Variants in CEMIP observed in about 807,000 individuals in gnomAD.
The protein encoded by CEMIP is cell migration inducing hyaluronidase 1.
In CEMIP, 105 loss-of-function variants were observed where a neutral mutation model predicts 156.9. That is an observed-to-expected ratio of 0.67 (90% CI 0.57 to 0.79). The LOEUF is 0.79. CEMIP is among the 30% of genes least tolerant of loss of function. The pLI, the probability that CEMIP is intolerant of heterozygous loss-of-function variation, is 0.00. For synonymous variants in CEMIP, 676 were observed against 668.4 expected, an observed-to-expected ratio of 1.01 and a Z score of -0.17; for missense variants, 1,457 against 1,769.4, an observed-to-expected ratio of 0.82 and a Z score of 3.17.
At chr15:80,806,540 C>T (rs1896518760) in intron 1 of CEMIP, among the ~76,000 whole-genome samples, 1 of 152,142 alleles carries the variant, frequency 6.6e-6, no homozygotes. Context: ...TCCATTTGAT[C>T]ATTTATTCAC....
rs1041112622 is a variant in CEMIP at position 80,890,653 on chromosome 15, A to C, written c.1086+1061A>C. Among the ~76,000 whole-genome samples, 8 of 151,536 alleles carry C rather than the reference A, an allele frequency of 5.3e-5. No homozygotes were observed. In the East Asian group the frequency reaches 1.2e-3, roughly 22 times the overall value. ...ATCTCCACCCATTTTATCCTCCTTC[A>C]GCCAATAAAAATAGCTACCCCATTT... is the stretch of plus-strand genomic sequence containing the variant. On this transcript the variant is annotated intron_variant, in intron 10 of 29. Coordinates refer to ENST00000394685, the MANE Select transcript of CEMIP (RefSeq NM_001293298.2).
At chr15:80,927,498 T>C (rs956168446) in intron 19 of CEMIP, among the ~76,000 whole-genome samples, 9 of 152,182 alleles carry the variant, frequency 5.9e-5, no homozygotes, top group African/African-American at 2.2e-4. Flanking sequence ...GGTAAATCTC[T>C]TGGTTCTGGT....
intron 1 of CEMIP, among the ~76,000 whole-genome samples, chr15:80,806,484 TA>T (rs557036997): frequency 5.8e-4 from 89 of 152,294 alleles, no homozygotes; most frequent in African/African-American, 1.9e-3. Context: ...CCCAAGAGAA[TA>T]ATTTTCTTCC....
chr15:80,903,399 A>G (rs1401349621), intron 12 of CEMIP, among the ~76,000 whole-genome samples: 1 of 152,182 alleles, frequency 6.6e-6, no homozygotes, highest in Non-Finnish European at 1.5e-5. Context: ...GAGAAGGAGG[A>G]ACTGGAGCTA....
intron 1 of CEMIP, among the ~76,000 whole-genome samples, chr15:80,827,647 C>A (rs1283618232): frequency 1.3e-5 from 2 of 152,070 alleles, no homozygotes; most frequent in Non-Finnish European, 2.9e-5. Flanking sequence ...CAAAAAACTT[C>A]CCCCAGGAAA....
At chr15:80,784,717 A>C (rs954059477) in intron 1 of CEMIP, among the ~76,000 whole-genome samples, 2 of 152,100 alleles carry the variant, frequency 1.3e-5, no homozygotes, top group Non-Finnish European at 2.9e-5. Context: ...TATGCCAGCA[A>C]CTCACAGGGG....
intron 1 of CEMIP, among the ~76,000 whole-genome samples, chr15:80,833,242 G>A (rs917991495): frequency 2.0e-4 from 30 of 152,086 alleles, no homozygotes; most frequent in African/African-American, 6.3e-4. Context: ...CCAGCAAGAT[G>A]TGGCCTGAGC....
At chr15:80,923,136 T>C (rs1287400667) in intron 17 of CEMIP, among the ~76,000 whole-genome samples, 4 of 152,006 alleles carry the variant, frequency 2.6e-5, no homozygotes, top group Non-Finnish European at 5.9e-5. Flanking sequence ...GGGTAAGCAG[T>C]TGCAGGGTGG....
chr15:80,832,518 G>A (rs986003961), intron 1 of CEMIP, among the ~76,000 whole-genome samples: 1 of 152,102 alleles, frequency 6.6e-6, no homozygotes, highest in Admixed American at 6.5e-5. Context: ...TGCATGTTGT[G>A]CATTTGAATT....
intron 1 of CEMIP, among the ~76,000 whole-genome samples, chr15:80,854,920 G>C (rs1190545614): frequency 1.3e-5 from 2 of 152,300 alleles, no homozygotes; most frequent in South Asian, 4.1e-4. Flanking sequence ...CTATGTCTAT[G>C]GTGGCTCATG....
chr15:80,936,982 C>A, intron 24 of CEMIP, 97 bp downstream of exon 24: 1 of 1,148,226 alleles, frequency 8.7e-7, no homozygotes. Context: ...CACAGGCTAG[C>A]CCATGTGATC....
chr15:80,866,864 C>G (rs1277195189), intron 1 of CEMIP, among the ~76,000 whole-genome samples: 1 of 151,412 alleles, frequency 6.6e-6, no homozygotes, highest in Non-Finnish European at 1.5e-5. Flanking sequence ...TGATTTGAAG[C>G]GTTGCCTCAA....
At chr15:80,829,997 T>TGTGTGTGCGC (rs1897124002) in intron 1 of CEMIP, among the ~76,000 whole-genome samples, 1 of 149,908 alleles carries the variant, frequency 6.7e-6, no homozygotes, top group Non-Finnish European at 1.5e-5. Context: ...TGTGTGTGTG[T>TGTGTGTGCGC]GTGTGCGCGC....
At chr15:80,886,265 C>G (rs550395016) in intron 7 of CEMIP, among the ~76,000 whole-genome samples, 1 of 150,450 alleles carries the variant, frequency 6.6e-6, no homozygotes, top group South Asian at 2.1e-4. Context: ...GTGGGGATGG[C>G]GAGGCAGTGG....
At chr15:80,903,829 G>A (rs1483868661) in intron 12 of CEMIP, among the ~76,000 whole-genome samples, 1 of 152,210 alleles carries the variant, frequency 6.6e-6, no homozygotes, top group African/African-American at 2.4e-5. Context: ...ACCTGGGAAG[G>A]CCCCGTAACT....
At chr15:80,884,094 C>A in intron 6 of CEMIP, 81 bp from the exon 7 acceptor site, 2 of 1,359,336 alleles carry the variant, frequency 1.5e-6, no homozygotes, top group African/African-American at 1.4e-5. Flanking sequence ...TGTTAGCTGT[C>A]GCAGCACAGG....
At chr15:80,850,629 G>A (rs975886422) in intron 1 of CEMIP, among the ~76,000 whole-genome samples, 1 of 152,160 alleles carries the variant, frequency 6.6e-6, no homozygotes, top group African/African-American at 2.4e-5. Context: ...TGGGTGAGGA[G>A]AAGCCATGTT....
intron 1 of CEMIP, among the ~76,000 whole-genome samples, chr15:80,787,026 T>C (rs1007325503): frequency 1.3e-5 from 2 of 152,170 alleles, no homozygotes; most frequent in African/African-American, 2.4e-5. Flanking sequence ...TAGACAGGAA[T>C]GGAAGAGCTC....
intron 12 of CEMIP, among the ~76,000 whole-genome samples, chr15:80,903,532 A>G (rs866591286): frequency 7.2e-5 from 11 of 152,318 alleles, no homozygotes; most frequent in African/African-American, 2.6e-4. Flanking sequence ...CCAGAACAGA[A>G]GAGGGTATGT....
Sources: allele counts gnomAD v4.1 joint callset (sites outside exome capture counted in the v4.1 genomes callset), GRCh38; gene constraint gnomAD v4.1.1; transcripts MANE v1.5; gene names NCBI Gene and HGNC (gene_info 2026-07-23, HGNC 2026-07-21).